SLC22A2: variants seen among roughly 807,000 people sequenced by gnomAD.
SLC22A2 encodes the protein organic cation transporter 2.
Under a neutral mutation model 60.5 loss-of-function variants are expected in SLC22A2, and 46 were observed. The observed-to-expected ratio is 0.76, with a 90% confidence interval of 0.60 to 0.97. The LOEUF is 0.97. SLC22A2 is among the 50% of genes least tolerant of loss of function. SLC22A2 has a pLI of 0.00. For synonymous variants in SLC22A2, 303 were observed against 267.0 expected (o/e 1.13, Z -1.31); for missense variants, 701 against 706.6 (o/e 0.99, Z 0.09).
intron 1 of SLC22A2, among the ~76,000 whole-genome samples, chr6:160,257,448 C>T (rs951888733): frequency 2.0e-5 from 3 of 152,008 alleles, no homozygotes; most frequent in Non-Finnish European, 4.4e-5. Context: ...GGGGAAAAAC[C>T]TTCTCTGCTT....
chr6:160,220,977 G>T (rs1421601956), intron 10 of SLC22A2, among the ~76,000 whole-genome samples: 1 of 152,146 alleles, frequency 6.6e-6, no homozygotes, highest in Admixed American at 6.6e-5. Flanking sequence ...TCACCTTCTA[G>T]TCACCAGCTG....
chr6:160,248,393 C>A (rs565120788), intron 4 of SLC22A2, among the ~76,000 whole-genome samples: 60 of 152,214 alleles, frequency 3.9e-4, no homozygotes, highest in Non-Finnish European at 7.5e-4. Flanking sequence ...GTACCCGGTC[C>A]ATGGCATTTT....
intron 10 of SLC22A2, among the ~76,000 whole-genome samples, chr6:160,219,801 G>A (rs140629393): frequency 5.5e-4 from 84 of 152,104 alleles, no homozygotes; most frequent in Non-Finnish European, 1.2e-4. Flanking sequence ...TAAAAGTTAC[G>A]GTTACACTAT....
At chr6:160,257,124 C>G (rs971888783) in intron 1 of SLC22A2, among the ~76,000 whole-genome samples, 1 of 152,190 alleles carries the variant, frequency 6.6e-6, no homozygotes, top group African/African-American at 2.4e-5. Flanking sequence ...TGTCATGAAG[C>G]TAAAACTACA....
chr6:160,243,504 C>A lies in SLC22A2; in HGVS notation c.1279+68G>T. On this transcript the variant is annotated intron_variant, in intron 7 of 10. Coordinates refer to ENST00000366953, the MANE Select transcript of SLC22A2 (RefSeq NM_003058.4). ...ATGACAAATTACATGGTTTTCCTAT[C>A]AATGGGCCGTGACACTCCCTTTCTC... is the stretch of plus-strand genomic sequence containing the variant. 3.5e-6 allele frequency: 4 copies of A among 1,132,812 alleles called. No homozygotes were observed. The South Asian group carries it at 5.1e-5, about 14-fold the overall frequency. 70.2% of individuals were successfully genotyped at this position (1,132,812 alleles called of 1,614,324 possible). A position where few individuals can be genotyped will look rare whatever the true frequency, so the allele number is the denominator to read the frequency against.
chr6:160,226,210 G>A (rs1782720057), intron 9 of SLC22A2, among the ~76,000 whole-genome samples: 1 of 152,160 alleles, frequency 6.6e-6, no homozygotes, highest in Non-Finnish European at 1.5e-5. Flanking sequence ...GCGCAAGACA[G>A]CTTTGACTCC....
intron 9 of SLC22A2, among the ~76,000 whole-genome samples, chr6:160,230,780 C>G (rs1782808812): frequency 6.6e-6 from 1 of 151,082 alleles, no homozygotes; most frequent in African/African-American, 2.4e-5. Flanking sequence ...TGCCAGCAAT[C>G]TGGCCTCTGG....
At position 160,247,306 on chromosome 6, in the gene SLC22A2, A is replaced by G; in HGVS notation, c.843-8T>C. The G allele has an allele frequency of 6.7e-7, 1 of 1,488,040 alleles. No individual in the cohort carries two copies. The highest frequency in any genetic ancestry group is 9.4e-7 in the Non-Finnish European group (1 of 1,065,056). The allele number at this position is 1,488,040 out of a possible 1,614,324, so 92.2% of individuals were successfully genotyped here. On this transcript the variant is annotated splice_region_variant and splice_polypyrimidine_tract_variant and intron_variant, in intron 4 of 10. Transcript: ENST00000366953. The stretch of plus-strand genomic sequence containing the variant: ...GGAGACTCAGGTATGCACCTAGGGT[A>G]CAAGGTGAGCGGAGGGCAACTCTTA...
At chr6:160,242,230 G>C in intron 8 of SLC22A2, 64 bp downstream of exon 8, 3 of 883,846 alleles carry the variant, frequency 3.4e-6, no homozygotes, top group South Asian at 1.3e-5. Flanking sequence ...CTGCACTTGT[G>C]GTGGTTCCAG....
intron 2 of SLC22A2, 116 bp from the exon 3 acceptor site, chr6:160,250,818 A>T: frequency 9.3e-7 from 1 of 1,074,880 alleles, no homozygotes; most frequent in Non-Finnish European, 1.4e-6. Context: ...TTTAAATTTT[A>T]TGAATCCAGG....
At position 160,232,516 on chromosome 6, in the gene SLC22A2, A is replaced by G. The variant is rs1273306453; in HGVS notation, c.1502-7712T>C. ...TATGCCTTCCATATCCTGCACCACCATATGGGCAGAAAGAAATTTCTCACT... is the reference window on the plus strand; with the variant it reads ...TATGCCTTCCATATCCTGCACCACCGTATGGGCAGAAAGAAATTTCTCACT... On this transcript the variant is annotated intron_variant, in intron 9 of 10. Transcript: ENST00000366953. Among the ~76,000 whole-genome samples, 4 of 151,656 alleles carry G rather than the reference A, an allele frequency of 2.6e-5. 1 individual carries two copies. Among genetic ancestry groups the G allele is most frequent in the African/African-American group, 9.7e-5 (4 of 41,064 alleles).
intron 3 of SLC22A2, 75 bp downstream of exon 3, chr6:160,250,473 T>G (rs112710522): frequency 6.9e-7 from 1 of 1,449,794 alleles, no homozygotes; most frequent in Non-Finnish European, 9.7e-7. Context: ...TTTTCTTGCA[T>G]GCCGCCCCCC....
At chr6:160,245,862 T>C (rs1327988886) in intron 5 of SLC22A2, among the ~76,000 whole-genome samples, 1 of 93,468 alleles carries the variant, frequency 1.1e-5, no homozygotes, top group East Asian at 2.6e-4. Context: ...AATGCCCAGC[T>C]TTTTTTTTTT....
chr6:160,245,885 C>T (rs1486616228), intron 5 of SLC22A2, among the ~76,000 whole-genome samples: 15 of 139,670 alleles, frequency 1.1e-4, no homozygotes, highest in Admixed American at 2.2e-4. Context: ...TTTTTTTCCC[C>T]GAGACAGGGT....
chr6:160,258,659 G>GA lies in SLC22A2; in HGVS notation c.98dup (p.Ala34ArgfsTer15), dbSNP rs1783321804. The GA allele has an allele frequency of 2.5e-6, 4 of 1,613,550 alleles. No individual in the cohort carries two copies. The highest frequency in any genetic ancestry group is 3.4e-6 in the Non-Finnish European group (4 of 1,179,792). ...AGACGATGCCCACGTAGATGGGCGCGAAGGTAGCCGAGAGCAGAGCCAAGA... is the reference window on the plus strand; with the variant it reads ...AGACGATGCCCACGTAGATGGGCGCGAAAGGTAGCCGAGAGCAGAGCCAAGA... On this transcript the variant is annotated frameshift_variant, in exon 1 of 11. Transcript: ENST00000366953. LOFTEE classifies it high-confidence loss of function.
chr6:160,241,989 T>A (rs1783011944), intron 8 of SLC22A2, among the ~76,000 whole-genome samples: 1 of 152,118 alleles, frequency 6.6e-6, no homozygotes, highest in Admixed American at 6.6e-5. Context: ...TTTACTTCCA[T>A]CACCTGGCTT....
chr6:160,244,272 T>A (rs1783057673), intron 6 of SLC22A2: 1 of 155,826 alleles, frequency 6.4e-6, no homozygotes, highest in Non-Finnish European at 1.4e-5. Flanking sequence ...AGACATGGGG[T>A]TTTGCCATGT....
chr6:160,217,302 G>C lies in SLC22A2; in HGVS notation c.*130C>G. 1 of 594,146 alleles carries C rather than the reference G, an allele frequency of 1.7e-6. No homozygotes were observed. Among genetic ancestry groups the C allele is most frequent in the South Asian group, 2.5e-5 (1 of 40,722 alleles). The allele number at this position is 594,146 out of a possible 1,614,324, so 36.8% of individuals were successfully genotyped here. On this transcript the variant is annotated 3_prime_UTR_variant, in exon 11 of 11. Transcript: ENST00000366953. Reference sequence around the variant, plus strand: ...TGTACAATAGACTCCACTGGCTGTAGACCTAGGTTGATAGGGCTCAGGGGT... The same window carrying C: ...TGTACAATAGACTCCACTGGCTGTACACCTAGGTTGATAGGGCTCAGGGGT...
At chr6:160,232,480 C>T (rs1180228041) in intron 9 of SLC22A2, among the ~76,000 whole-genome samples, 1 of 151,852 alleles carries the variant, frequency 6.6e-6, no homozygotes, top group African/African-American at 2.4e-5. Flanking sequence ...AATATTAATA[C>T]TGACTCTAAA....
Sources: allele counts gnomAD v4.1 joint callset (sites outside exome capture counted in the v4.1 genomes callset), GRCh38; gene constraint gnomAD v4.1.1; transcripts MANE v1.5; gene names NCBI Gene and HGNC (gene_info 2026-07-23, HGNC 2026-07-21).